Variants in CSMD3 observed in about 807,000 individuals in gnomAD.
CSMD3 encodes CUB and sushi domain-containing protein 3.
CSMD3 carries 177 observed loss-of-function variants against 435.2 expected under a neutral mutation model. The ratio of observed to expected loss-of-function variants is 0.41; its 90% CI spans 0.36 to 0.46. CSMD3 has a LOEUF of 0.46. Ranked by LOEUF, CSMD3 falls within the 20% of genes least tolerant of loss-of-function variation. The probability of loss-of-function intolerance (pLI) is 0.34; values close to 1 mark genes in which losing one functional copy is unlikely to be tolerated. For synonymous variants in CSMD3, 1,656 were observed against 1,520.5 expected (o/e 1.09, Z -2.07); for missense variants, 4,265 against 4,504.6 (o/e 0.95, Z 1.52).
At chr8:113,416,293 C>CA (rs2129874969) in intron 1 of CSMD3, among the ~76,000 whole-genome samples, 1 of 152,204 alleles carries the variant, frequency 6.6e-6, no homozygotes, top group Admixed American at 6.5e-5. Flanking sequence ...AGTTGTTCTA[C>CA]AAAACTACAG....
At chr8:112,954,020 T>TA in intron 8 of CSMD3, among the ~76,000 whole-genome samples, 1 of 151,510 alleles carries the variant, frequency 6.6e-6, no homozygotes, top group African/African-American at 2.4e-5. Flanking sequence ...ATAGCTCTAC[T>TA]AAAAAAATTT....
intron 1 of CSMD3, among the ~76,000 whole-genome samples, chr8:113,404,085 T>A (rs941805200): frequency 3.3e-5 from 5 of 151,472 alleles, no homozygotes; most frequent in African/African-American, 9.7e-5. Flanking sequence ...CTACAGCGAA[T>A]CTGGCATATA....
At chr8:112,513,368 T>C (rs1035835507) in intron 28 of CSMD3, among the ~76,000 whole-genome samples, 3 of 152,146 alleles carry the variant, frequency 2.0e-5, no homozygotes, top group Admixed American at 6.6e-5. Context: ...ATTTTAATAC[T>C]GTGTATCAGA....
At chr8:113,289,071 G>A (rs1178258566) in intron 2 of CSMD3, among the ~76,000 whole-genome samples, 2 of 151,752 alleles carry the variant, frequency 1.3e-5, no homozygotes, top group Non-Finnish European at 3.0e-5. Context: ...ACTGTTGTGT[G>A]ACATTGGGCA....
In CSMD3 at chr8:112,341,538, G is replaced by T. The variant is rs375819577; in HGVS notation, c.6591C>A (p.Thr2197=). The change falls in exon 42 of 71, where the codon ACC becomes ACA. Residue 2197 remains threonine (T), a synonymous_variant. Transcript: ENST00000297405. The stretch of plus-strand genomic sequence containing the variant: ...AATAGTCACTGTGAAAATATAAGCT[G>T]GTTTCATGGGTGGTGCTGAATAAGG... ...PSSLFSTTHE[T]SLYFHSDYSQ... The T allele has an allele frequency of 1.2e-6, 2 of 1,613,082 alleles. No individual in the cohort carries two copies. The highest frequency in any genetic ancestry group is 2.7e-5 in the African/African-American group (2 of 74,856).
intron 31 of CSMD3, among the ~76,000 whole-genome samples, chr8:112,478,195 A>T (rs923582771): frequency 2.0e-5 from 3 of 152,146 alleles, no homozygotes; most frequent in African/African-American, 4.8e-5. Flanking sequence ...AGTCTTGGGT[A>T]TGTCTTTATC....
rs71309787 is a variant in CSMD3, at chr8:112,747,183, C to CTTTTTTTTTTTTTTTTTTTTTTTTT, written c.1972+52954_1972+52978dup. ...TATGATTATTTGTCTGCACACTTCC[C>CTTTTTTTTTTTTTTTTTTTTTTTTT]TTTTTTTTTTTTTTTTTTTTTTTTT... On this transcript the variant is annotated intron_variant, in intron 13 of 70. Coordinates refer to ENST00000297405, the MANE Select transcript of CSMD3 (RefSeq NM_198123.2). 1.1e-4 allele frequency among the ~76,000 whole-genome samples: 3 copies of CTTTTTTTTTTTTTTTTTTTTTTTTT among 26,942 alleles called. 1 individual carries two copies. Among genetic ancestry groups the CTTTTTTTTTTTTTTTTTTTTTTTTT allele is most frequent in the African/African-American group, 7.8e-4 (3 of 3,830 alleles). 17.7% of individuals were successfully genotyped at this position (26,942 alleles called of 152,430 possible). A position where few individuals can be genotyped will look rare whatever the true frequency, so the allele number is the denominator to read the frequency against.
intron 10 of CSMD3, among the ~76,000 whole-genome samples, chr8:112,883,893 A>T (rs1301463896): frequency 6.6e-6 from 1 of 151,906 alleles, no homozygotes; most frequent in East Asian, 1.9e-4. Flanking sequence ...AATAAAACCA[A>T]TGTGGAACAA....
At position 112,433,253 on chromosome 8, in the gene CSMD3, C is replaced by CTTATAGCAGG. The variant is rs11280682; in HGVS notation, c.5396-24222_5396-24221insCCTGCTATAA. 1.2e-4 allele frequency among the ~76,000 whole-genome samples: 18 copies of CTTATAGCAGG among 151,532 alleles called. No individual in the cohort carries two copies. The East Asian group carries it at 1.4e-3, about 11-fold the overall frequency. On this transcript the variant is annotated intron_variant, in intron 32 of 70. Transcript: ENST00000297405. ...AGCTACCTTTCAAGGGCAGAAATAA[C>CTTATAGCAGG]AAAGAAATAATACTTCTTTTATGTA...
chr8:113,239,408 T>G (rs760409855), intron 3 of CSMD3, among the ~76,000 whole-genome samples: 1 of 152,142 alleles, frequency 6.6e-6, no homozygotes, highest in Non-Finnish European at 1.5e-5. Context: ...CTGCATCAGA[T>G]GAACGTATGC....
At chr8:112,456,036 T>C (rs568366506) in intron 32 of CSMD3, among the ~76,000 whole-genome samples, 1 of 152,262 alleles carries the variant, frequency 6.6e-6, no homozygotes, top group East Asian at 1.9e-4. Context: ...CCACCTGAGT[T>C]CTACACTGGA....
intron 3 of CSMD3, among the ~76,000 whole-genome samples, chr8:113,208,469 C>A (rs1228937830): frequency 6.6e-6 from 1 of 152,118 alleles, no homozygotes; most frequent in East Asian, 1.9e-4. Context: ...TGAGAACTAT[C>A]TGGTACATAA....
At chr8:112,292,430 A>T in intron 55 of CSMD3, 107 bp downstream of exon 55, 2 of 1,048,302 alleles carry the variant, frequency 1.9e-6, no homozygotes, top group South Asian at 1.3e-5. Context: ...TTGTTTTATT[A>T]GATAAAAACT....
intron 13 of CSMD3, among the ~76,000 whole-genome samples, chr8:112,701,546 G>T (rs983108183): frequency 6.6e-6 from 1 of 152,218 alleles, no homozygotes; most frequent in Non-Finnish European, 1.5e-5. Context: ...ATGAGGGAAA[G>T]GAAAGGATAC....
chr8:112,615,257 C>T (rs764263857), intron 22 of CSMD3, among the ~76,000 whole-genome samples: 5 of 152,082 alleles, frequency 3.3e-5, no homozygotes, highest in Non-Finnish European at 5.9e-5. Context: ...TGTCCGAATG[C>T]ATAGTGGATG....
intron 9 of CSMD3, among the ~76,000 whole-genome samples, chr8:112,939,316 G>T (rs939163131): frequency 2.0e-5 from 3 of 151,988 alleles, no homozygotes; most frequent in Non-Finnish European, 4.4e-5. Context: ...CATTCATTGG[G>T]AAAACGACAG....
chr8:113,249,632 T>C (rs1163370847), intron 3 of CSMD3, among the ~76,000 whole-genome samples: 1 of 152,070 alleles, frequency 6.6e-6, no homozygotes. Flanking sequence ...GTTTTGAATA[T>C]GGCATATAAT....
At chr8:112,774,020 T>TAAA (rs1417992166) in intron 13 of CSMD3, among the ~76,000 whole-genome samples, 3 of 152,088 alleles carry the variant, frequency 2.0e-5, no homozygotes, top group African/African-American at 7.2e-5. Flanking sequence ...TTAAATGTTT[T>TAAA]AAGCACACCT....
intron 3 of CSMD3, among the ~76,000 whole-genome samples, chr8:113,183,697 C>A (rs2092456784): frequency 6.6e-6 from 1 of 151,944 alleles, no homozygotes; most frequent in Non-Finnish European, 1.5e-5. Context: ...CTGAGCTCTT[C>A]TCTGTTTTAT....
Sources: gnomAD v4.1 joint callset for allele counts (sites outside exome capture counted in the v4.1 genomes callset) on GRCh38, gnomAD v4.1.1 for gene constraint, MANE v1.5 for transcripts, NCBI Gene and HGNC (gene_info 2026-07-23, HGNC 2026-07-21) for gene names.